REEP3: variants seen among roughly 807,000 people sequenced by gnomAD.
REEP3 encodes receptor accessory protein 3, also known as receptor expression-enhancing protein 3.
In REEP3, 20 loss-of-function variants were observed where a neutral mutation model predicts 41.3. The observed-to-expected ratio is 0.48, with a 90% CI of 0.34 to 0.70. The LOEUF (loss-of-function observed/expected upper bound fraction) is 0.70. Ranked by LOEUF, REEP3 falls within the 30% of genes least tolerant of loss-of-function variation. REEP3 has a pLI of 0.01. For synonymous variants in REEP3, 104 were observed against 101.8 expected, an observed-to-expected ratio of 1.02 and a Z score of -0.13; for missense variants, 271 against 308.8, an observed-to-expected ratio of 0.88 and a Z score of 0.92.
chr10:63,600,977 AC>A (rs1413822573), intron 5 of REEP3, among the ~76,000 whole-genome samples: 1 of 151,986 alleles, frequency 6.6e-6, no homozygotes, highest in African/African-American at 2.4e-5. Flanking sequence ...ACATGGTGAA[AC>A]CCCGTCTCTA....
chr10:63,537,516 C>T (rs1184752273), intron 1 of REEP3, among the ~76,000 whole-genome samples: 1 of 152,132 alleles, frequency 6.6e-6, no homozygotes. Flanking sequence ...GTGTGTGCTT[C>T]ATAACTTAGA....
intron 6 of REEP3, among the ~76,000 whole-genome samples, chr10:63,617,285 A>C (rs775637981): frequency 2.0e-5 from 3 of 152,208 alleles, no homozygotes; most frequent in Non-Finnish European, 2.9e-5. Context: ...ATTATACCTG[A>C]CTAATATACA....
intron 2 of REEP3, among the ~76,000 whole-genome samples, chr10:63,589,986 G>T (rs1446279815): frequency 1.3e-5 from 2 of 151,798 alleles, no homozygotes; most frequent in African/African-American, 4.8e-5. Flanking sequence ...GTAGAGAGGG[G>T]GTTTCACCAT....
chr10:63,544,750 A>G (rs144457247), intron 1 of REEP3, among the ~76,000 whole-genome samples: 3 of 152,338 alleles, frequency 2.0e-5, no homozygotes, highest in East Asian at 3.9e-4. Context: ...CATAACTTGC[A>G]CATATTACAT....
intron 2 of REEP3, among the ~76,000 whole-genome samples, chr10:63,569,068 A>G (rs1412600934): frequency 6.6e-6 from 1 of 152,224 alleles, no homozygotes; most frequent in Non-Finnish European, 1.5e-5. Flanking sequence ...ACAGTAACAC[A>G]GTAGTGCTTT....
At chr10:63,564,584 C>G (rs1173239201) in intron 1 of REEP3, among the ~76,000 whole-genome samples, 1 of 151,834 alleles carries the variant, frequency 6.6e-6, no homozygotes, top group Non-Finnish European at 1.5e-5. Flanking sequence ...TGTCACACCA[C>G]TGCACTCCAG....
intron 6 of REEP3, 64 bp downstream of exon 6, chr10:63,610,398 C>T: frequency 6.8e-7 from 1 of 1,472,378 alleles, no homozygotes; most frequent in Non-Finnish European, 9.2e-7. Flanking sequence ...ACAACATACA[C>T]TGGGGCCTGT....
intron 5 of REEP3, among the ~76,000 whole-genome samples, chr10:63,604,638 G>A (rs1041458623): frequency 6.6e-6 from 1 of 151,792 alleles, no homozygotes; most frequent in African/African-American, 2.4e-5. Context: ...ATACAGCTTA[G>A]TATTATACAC....
chr10:63,522,493 A>G (rs914263310), intron 1 of REEP3, among the ~76,000 whole-genome samples: 3 of 152,156 alleles, frequency 2.0e-5, no homozygotes, highest in Non-Finnish European at 4.4e-5. Flanking sequence ...AAAAGTCACC[A>G]AGTAAACAAT....
intron 1 of REEP3, among the ~76,000 whole-genome samples, chr10:63,533,020 T>C (rs1419292185): frequency 2.0e-5 from 3 of 152,238 alleles, no homozygotes; most frequent in African/African-American, 7.2e-5. Context: ...GTAGGTCTTA[T>C]AAGGAAGCCA....
At chr10:63,523,990 C>G (rs1334834089) in intron 1 of REEP3, among the ~76,000 whole-genome samples, 1 of 151,986 alleles carries the variant, frequency 6.6e-6, no homozygotes, top group Non-Finnish European at 1.5e-5. Context: ...AGTACTTGAG[C>G]TACAGAATGT....
intron 1 of REEP3, among the ~76,000 whole-genome samples, chr10:63,551,660 C>CT (rs1429969219): frequency 6.6e-6 from 1 of 152,020 alleles, no homozygotes; most frequent in African/African-American, 2.4e-5. Flanking sequence ...CTAAAAAATA[C>CT]TTAAGTAGCA....
intron 1 of REEP3, among the ~76,000 whole-genome samples, chr10:63,551,184 A>G (rs1955625374): frequency 6.6e-6 from 1 of 152,196 alleles, no homozygotes. Context: ...GTAGTGCCAG[A>G]AAGTAAAGAA....
chr10:63,557,524 A>G (rs1417671456), intron 1 of REEP3, among the ~76,000 whole-genome samples: 4 of 152,160 alleles, frequency 2.6e-5, no homozygotes, highest in African/African-American at 9.7e-5. Context: ...TCTATTGTTT[A>G]AATTAATTAC....
intron 1 of REEP3, among the ~76,000 whole-genome samples, chr10:63,525,780 C>G (rs1326336237): frequency 2.0e-5 from 3 of 152,160 alleles, no homozygotes; most frequent in Admixed American, 2.0e-4. Context: ...CACACCTCAC[C>G]TTTTGAAACA....
intron 1 of REEP3, among the ~76,000 whole-genome samples, chr10:63,526,355 G>A (rs1374286510): frequency 6.6e-6 from 1 of 151,892 alleles, no homozygotes; most frequent in Non-Finnish European, 1.5e-5. Context: ...AAGTAATGCT[G>A]AAATGCAATT....
chr10:63,539,532 C>CCT (rs993336386), intron 1 of REEP3, among the ~76,000 whole-genome samples: 11 of 152,024 alleles, frequency 7.2e-5, no homozygotes, highest in Non-Finnish European at 4.4e-5. Flanking sequence ...GTGGTGTGTA[C>CCT]CTATGGTCAC....
At chr10:63,559,500 T>C (rs529398407) in intron 1 of REEP3, among the ~76,000 whole-genome samples, 1 of 152,326 alleles carries the variant, frequency 6.6e-6, no homozygotes, top group East Asian at 1.9e-4. Flanking sequence ...AAAGAGCACG[T>C]TGGCAGAGGA....
chr10:63,599,552 C>T (rs1310114869), intron 5 of REEP3: 1 of 363,630 alleles, frequency 2.8e-6, no homozygotes, highest in Non-Finnish European at 4.0e-6. Context: ...ACTTAATCAC[C>T]TTAAAGTAGT....
Sources: allele counts gnomAD v4.1 joint callset (sites outside exome capture counted in the v4.1 genomes callset), GRCh38; gene constraint gnomAD v4.1.1; transcripts MANE v1.5; gene names NCBI Gene and HGNC (gene_info 2026-07-23, HGNC 2026-07-21).